The following ARHGEF10 variants were observed in gnomAD, a reference collection of about 807,000 sequenced individuals.
The protein encoded by ARHGEF10 is Rho guanine nucleotide exchange factor 10, also known as Rho guanine nucleotide exchange factor (GEF) 10.
Under a neutral mutation model 147.4 loss-of-function variants are expected in ARHGEF10, and 140 were observed. The observed-to-expected ratio is 0.95, with a 90% confidence interval of 0.83 to 1.09. ARHGEF10 has a LOEUF of 1.09. Among genes scored for constraint, ARHGEF10 ranks in the 50% least tolerant of loss-of-function variants. ARHGEF10 has a pLI of 0.00. For missense variants in ARHGEF10, 2,222 were observed against 1,752.7 expected (o/e 1.27, Z -4.78); for synonymous variants, 902 against 695.8 (o/e 1.30, Z -4.67).
chr8:1,826,216 A>T (rs1220508575), intron 1 of ARHGEF10: 1 of 1,261,870 alleles, frequency 7.9e-7, no homozygotes, highest in African/African-American at 1.5e-5. Context: ...GTTAAAAGTT[A>T]TTCAGAATAG....
chr8:1,855,650 A>G (rs933144182), intron 2 of ARHGEF10, among the ~76,000 whole-genome samples: 1 of 152,104 alleles, frequency 6.6e-6, no homozygotes, highest in East Asian at 1.9e-4. Flanking sequence ...TTGGCCTTTG[A>G]AAGTGCTGGG....
At chr8:1,928,959 T>C (rs1183758947) in intron 24 of ARHGEF10, among the ~76,000 whole-genome samples, 2 of 152,204 alleles carry the variant, frequency 1.3e-5, no homozygotes, top group Non-Finnish European at 2.9e-5. Context: ...CCCTTATATT[T>C]TGGAATAAAA....
intron 15 of ARHGEF10, among the ~76,000 whole-genome samples, chr8:1,900,340 G>A (rs990208925): frequency 3.3e-5 from 5 of 152,142 alleles, no homozygotes; most frequent in African/African-American, 1.2e-4. Context: ...TCCACCTTCA[G>A]CCGTCCTGGG....
intron 2 of ARHGEF10, among the ~76,000 whole-genome samples, chr8:1,853,360 G>A (rs1209003663): frequency 6.6e-6 from 1 of 152,246 alleles, no homozygotes; most frequent in Non-Finnish European, 1.5e-5. Context: ...GGGCCATGGT[G>A]TGTCCAGCGA....
At chr8:1,909,498 G>A (rs747293969) in intron 18 of ARHGEF10, 28 bp downstream of exon 18, 4 of 1,612,594 alleles carry the variant, frequency 2.5e-6, no homozygotes, top group South Asian at 1.1e-5. Context: ...TCACGTTCGT[G>A]CCGTGGGGCC....
rs745561759 is a variant in ARHGEF10 at position 1,952,800 on chromosome 8, C to G, written c.3493C>G (p.Arg1165Gly). The G allele has an allele frequency of 3.1e-6, 5 of 1,613,910 alleles. No homozygotes were observed. The Admixed American group carries it at 8.3e-5, about 27-fold the overall frequency. ...LGVLVALPVP[R>G]LQGIPKVTGR... is the part of the protein sequence containing the mutation. The stretch of plus-strand genomic sequence containing the variant: ...AGTCCTCGTGGCCCTGCCGGTCCCA[C>G]GTCTGCAAGGGATTCCCAAAGTGAC... The change falls in exon 28 of 29, where the codon CGT becomes GGT. Residue 1165 changes from arginine to glycine, a missense_variant. Arg to Gly is a moderately radical substitution (Grantham distance 125). Transcript: ENST00000349830.
intron 2 of ARHGEF10, among the ~76,000 whole-genome samples, chr8:1,852,955 C>A (rs974067435): frequency 6.6e-6 from 1 of 152,214 alleles, no homozygotes; most frequent in African/African-American, 2.4e-5. Flanking sequence ...CTGCAGTTTT[C>A]CTGGGAAGTG....
At chr8:1,900,606 C>T (rs916142558) in intron 15 of ARHGEF10, among the ~76,000 whole-genome samples, 10 of 152,156 alleles carry the variant, frequency 6.6e-5, no homozygotes, top group South Asian at 2.1e-4. Flanking sequence ...TTACACACTG[C>T]GCCGTTTACA....
intron 1 of ARHGEF10, among the ~76,000 whole-genome samples, chr8:1,827,495 C>T (rs778890882): frequency 9.2e-5 from 14 of 151,974 alleles, no homozygotes; most frequent in African/African-American, 1.5e-4. Context: ...TTTTAGTAGA[C>T]GGGTTTTGCC....
At position 1,892,280 on chromosome 8, in the gene ARHGEF10, TGTG is replaced by T. The variant is rs1809597188; in HGVS notation, c.1183-1288_1183-1286del. Among the ~76,000 whole-genome samples, 4 of 39,044 alleles carry T rather than the reference TGTG, an allele frequency of 1.0e-4. No individual in the cohort carries two copies. In the Admixed American group the frequency reaches 1.5e-3, roughly 14 times the overall value. The allele number at this position is 39,044 out of a possible 152,430, so 25.6% of individuals were successfully genotyped here. A position where few individuals can be genotyped will look rare whatever the true frequency, so the allele number is the denominator to read the frequency against. ...TGCAGCTTCCCAGCTTCTGGCTCTGTGTGTGTGTGTGTGTGTGTGTGTGTGTGT... is the reference window on the plus strand; with the variant it reads ...TGCAGCTTCCCAGCTTCTGGCTCTGTTGTGTGTGTGTGTGTGTGTGTGTGT... On this transcript the variant is annotated intron_variant, in intron 11 of 28. Transcript: ENST00000349830.
At chr8:1,862,615 G>A (rs559651814) in intron 4 of ARHGEF10, among the ~76,000 whole-genome samples, 1 of 152,332 alleles carries the variant, frequency 6.6e-6, no homozygotes, top group Admixed American at 6.5e-5. Context: ...TGTGTGCTCT[G>A]GGGATGGGAG....
At chr8:1,905,399 CTG>C (rs1810801641) in intron 16 of ARHGEF10, among the ~76,000 whole-genome samples, 170 bp from the exon 17 acceptor site, 1 of 152,158 alleles carries the variant, frequency 6.6e-6, no homozygotes, top group African/African-American at 2.4e-5. Context: ...CGGTGAAAGT[CTG>C]TGAGGAAGGA....
upstream of ARHGEF10, among the ~76,000 whole-genome samples, chr8:1,823,466 G>A (rs1802522873): frequency 6.6e-6 from 1 of 151,910 alleles, no homozygotes; most frequent in African/African-American, 2.4e-5. Flanking sequence ...GGGAGCGTCT[G>A]CCCGACGCCC....
intron 11 of ARHGEF10, among the ~76,000 whole-genome samples, chr8:1,890,428 G>A (rs1375760452): frequency 4.7e-5 from 7 of 150,400 alleles, no homozygotes; most frequent in African/African-American, 1.7e-4. Context: ...ACACTGAATG[G>A]GTTGAGGTTG....
chr8:1,893,673 C>G, intron 12 of ARHGEF10, 27 bp downstream of exon 12: 1 of 1,441,706 alleles, frequency 6.9e-7, no homozygotes, highest in Non-Finnish European at 9.8e-7. Context: ...TTACATAATA[C>G]ATACATTTCT....
intron 11 of ARHGEF10, among the ~76,000 whole-genome samples, chr8:1,888,620 T>G (rs1809023063): frequency 7.7e-6 from 1 of 129,354 alleles, no homozygotes; most frequent in Non-Finnish European, 1.6e-5. Context: ...GTGAGGTTTG[T>G]GAGGAAACAC....
intron 1 of ARHGEF10, chr8:1,826,185 G>T (rs1478447220): frequency 6.6e-7 from 1 of 1,509,852 alleles, no homozygotes; most frequent in South Asian, 1.2e-5. Context: ...ATTAGTTGTA[G>T]ACAGTTGGGG....
intron 8 of ARHGEF10, among the ~76,000 whole-genome samples, chr8:1,878,882 C>T (rs1334434893): frequency 1.3e-5 from 2 of 151,984 alleles, no homozygotes; most frequent in East Asian, 3.9e-4. Flanking sequence ...AGAATTACAA[C>T]CCGGGAGCGC....
upstream of ARHGEF10, among the ~76,000 whole-genome samples, chr8:1,823,681 C>A (rs1057081124): frequency 6.6e-6 from 1 of 151,294 alleles, no homozygotes; most frequent in Non-Finnish European, 1.5e-5. Context: ...GCCCGGGGTC[C>A]GCGGGGCAGG....
Sources: allele counts gnomAD v4.1 joint callset (sites outside exome capture counted in the v4.1 genomes callset), GRCh38; gene constraint gnomAD v4.1.1; transcripts MANE v1.5; gene names NCBI Gene and HGNC (gene_info 2026-07-23, HGNC 2026-07-21).